PIP4K2A: variants seen among roughly 807,000 people sequenced by gnomAD.
PIP4K2A encodes the protein phosphatidylinositol 5-phosphate 4-kinase type-2 alpha.
A neutral mutation model predicts 42.9 loss-of-function variants in PIP4K2A; 14 were observed. That is an observed-to-expected ratio of 0.33 (90% CI 0.22 to 0.51). PIP4K2A has a LOEUF of 0.51. PIP4K2A is among the 20% of genes least tolerant of loss of function. PIP4K2A has a pLI of 0.97. For missense variants in PIP4K2A, 434 were observed against 519.8 expected (o/e 0.83, Z 1.61); for synonymous variants, 192 against 192.2 (o/e 1.00, Z 0.01).
At chr10:22,568,571 A>C (rs193213288) in intron 5 of PIP4K2A, among the ~76,000 whole-genome samples, 1 of 152,152 alleles carries the variant, frequency 6.6e-6, no homozygotes, top group Non-Finnish European at 1.5e-5. Flanking sequence ...AGTGGAGGAA[A>C]ACATGGCCCT....
intron 7 of PIP4K2A, 118 bp from the exon 8 acceptor site, chr10:22,542,165 G>A (rs549611583): frequency 2.9e-5 from 23 of 790,418 alleles, no homozygotes; most frequent in Admixed American, 7.5e-5. Flanking sequence ...CAGCAGAGGC[G>A]CCGGGTGCCT....
chr10:22,549,222 C>T (rs1836333557), intron 7 of PIP4K2A, among the ~76,000 whole-genome samples: 1 of 152,096 alleles, frequency 6.6e-6, no homozygotes, highest in Non-Finnish European at 1.5e-5. Flanking sequence ...CTACTAATAA[C>T]TTGGTCAGTG....
intron 1 of PIP4K2A, among the ~76,000 whole-genome samples, chr10:22,703,320 G>T (rs562308225): frequency 1.1e-3 from 165 of 152,216 alleles, no homozygotes; most frequent in African/African-American, 3.9e-3. Context: ...GAGGCAGGAG[G>T]ATTGCTTGAG....
intron 1 of PIP4K2A, among the ~76,000 whole-genome samples, chr10:22,705,472 G>C (rs1389280622): frequency 1.8e-5 from 2 of 109,638 alleles, no homozygotes; most frequent in Non-Finnish European, 3.6e-5. Context: ...AGGACAGAGA[G>C]ATGACAATGA....
At chr10:22,712,913 G>GGTGTGTGTGTGTGTGTGTGTGTGTGT (rs35439666) in intron 1 of PIP4K2A, among the ~76,000 whole-genome samples, 2 of 147,600 alleles carry the variant, frequency 1.4e-5, no homozygotes, top group African/African-American at 5.0e-5. Context: ...CTACATTGAG[G>GGTGTGTGTGTGTGTGTGTGTGTGTGT]GTGTGTGTGT....
intron 6 of PIP4K2A, among the ~76,000 whole-genome samples, chr10:22,564,361 A>G (rs1291374935): frequency 1.3e-5 from 2 of 152,238 alleles, no homozygotes; most frequent in Admixed American, 1.3e-4. Flanking sequence ...GAACCTGAAG[A>G]AATCAAAATG....
intron 1 of PIP4K2A, among the ~76,000 whole-genome samples, chr10:22,690,299 C>T (rs779151117): frequency 2.4e-4 from 37 of 152,196 alleles, no homozygotes; most frequent in Non-Finnish European, 4.1e-4. Flanking sequence ...CAAGGTCACA[C>T]AGCTAATAAG....
chr10:22,625,431 A>G (rs1477105411), intron 1 of PIP4K2A, among the ~76,000 whole-genome samples: 1 of 152,338 alleles, frequency 6.6e-6, no homozygotes, highest in East Asian at 1.9e-4. Context: ...CTATATGACT[A>G]TAATGTATAC....
chr10:22,625,170 G>C (rs1838411403), intron 1 of PIP4K2A, among the ~76,000 whole-genome samples: 1 of 152,152 alleles, frequency 6.6e-6, no homozygotes, highest in African/African-American at 2.4e-5. Context: ...AATCTTTGTG[G>C]GGTGTATTTT....
intron 1 of PIP4K2A, among the ~76,000 whole-genome samples, chr10:22,631,667 C>T (rs908391409): frequency 6.6e-6 from 1 of 152,084 alleles, no homozygotes. Context: ...CTCTTCCTTA[C>T]AGTACAATTT....
At position 22,658,499 on chromosome 10, in the gene PIP4K2A, A is replaced by T. The variant is rs146274639; in HGVS notation, c.145-48782T>A. On this transcript the variant is annotated intron_variant, in intron 1 of 9. Transcript: ENST00000376573. ...ATACAAATAAATTAAAAAGTAAAGC[A>T]GGAAGGATAATAGGCTTAAACTACC... Among the ~76,000 whole-genome samples the T allele has an allele frequency of 5.2e-3, 796 of 152,366 alleles. 9 individuals are homozygous for T. The highest frequency in any genetic ancestry group is 0.018 in the African/African-American group (754 of 41,584).
chr10:22,642,368 A>C (rs1166537870), intron 1 of PIP4K2A, among the ~76,000 whole-genome samples: 1 of 152,214 alleles, frequency 6.6e-6, no homozygotes, highest in Non-Finnish European at 1.5e-5. Context: ...TTGGCAAATA[A>C]AATCATACCA....
intron 1 of PIP4K2A, chr10:22,642,097 T>C (rs886730592): frequency 2.0e-5 from 3 of 152,264 alleles, no homozygotes; most frequent in African/African-American, 7.2e-5. Flanking sequence ...GAAGCAGAGG[T>C]GAGAAACAGA....
At chr10:22,577,601 T>A (rs1837154367) in intron 4 of PIP4K2A, among the ~76,000 whole-genome samples, 1 of 152,196 alleles carries the variant, frequency 6.6e-6, no homozygotes, top group African/African-American at 2.4e-5. Context: ...CTCTTTTCCT[T>A]ATGAATCACC....
intron 7 of PIP4K2A, among the ~76,000 whole-genome samples, chr10:22,542,506 G>A (rs1400582354): frequency 6.6e-6 from 1 of 152,200 alleles, no homozygotes; most frequent in Non-Finnish European, 1.5e-5. Flanking sequence ...CTGTGGAGGC[G>A]ATTGTTACGC....
intron 1 of PIP4K2A, among the ~76,000 whole-genome samples, chr10:22,711,376 T>C (rs1328791156): frequency 6.6e-6 from 1 of 152,234 alleles, no homozygotes; most frequent in Admixed American, 6.5e-5. Flanking sequence ...CACCATAGAT[T>C]TCCTTCCCCT....
chr10:22,685,531 T>TA (rs11389689), intron 1 of PIP4K2A, among the ~76,000 whole-genome samples: 47,971 of 151,782 alleles, frequency 0.32, 8,002 homozygotes, highest in South Asian at 0.41. Context: ...CCATTTTCTA[T>TA]AAAAAACAAA....
chr10:22,605,817 C>T (rs1486277406), intron 3 of PIP4K2A, among the ~76,000 whole-genome samples: 1 of 147,502 alleles, frequency 6.8e-6, no homozygotes, highest in Non-Finnish European at 1.5e-5. Flanking sequence ...TCTTAAGACA[C>T]TGAAGCTATC....
intron 4 of PIP4K2A, among the ~76,000 whole-genome samples, chr10:22,577,077 C>CAAAAA (rs5783800): frequency 1.3e-5 from 1 of 76,484 alleles, no homozygotes; most frequent in Admixed American, 1.4e-4. Flanking sequence ...ACTCCTGTCT[C>CAAAAA]AAAAAAAAAA....
Sources: allele counts gnomAD v4.1 joint callset (sites outside exome capture counted in the v4.1 genomes callset), GRCh38; gene constraint gnomAD v4.1.1; transcripts MANE v1.5; gene names NCBI Gene and HGNC (gene_info 2026-07-23, HGNC 2026-07-21).